Variants in SETD1B observed in about 807,000 individuals in gnomAD.
SETD1B encodes histone-lysine N-methyltransferase SETD1B.
SETD1B carries 7 observed loss-of-function variants against 148.0 expected under a neutral mutation model. That is an observed-to-expected ratio of 0.05 (90% CI 0.03 to 0.09). The LOEUF (loss-of-function observed/expected upper bound fraction) is 0.09, where lower values mean the gene tolerates loss of function less well. Ranked by LOEUF, SETD1B falls within the 10% of genes least tolerant of loss-of-function variation. The pLI is 1.00. For missense variants in SETD1B, 2,155 were observed against 2,729.9 expected (o/e 0.79, Z 4.69); for synonymous variants, 1,361 against 1,186.5 (o/e 1.15, Z -3.02).
chr12:121,814,304 C>A lies in SETD1B; in HGVS notation c.2089C>A (p.Pro697Thr). The change falls in exon 7 of 17, where the codon CCC becomes ACC. Residue 697 changes from proline to threonine, a missense_variant. By Grantham distance (38) the Pro-to-Thr change is conservative. Transcript: ENST00000604567. ...CCCGCTGCCCCCCCCACCACCACCA[C>A]CCCCACCGCAGCCTGGCTTCCCCAT... Reference protein sequence around the residue: ...FPPLPPPPPPPPPQPGFPMPP... With the variant: ...FPPLPPPPPPTPPQPGFPMPP... 2 of 1,219,450 alleles carry A rather than the reference C, an allele frequency of 1.6e-6. No homozygotes were observed. The highest frequency in any genetic ancestry group is 1.1e-6 in the Non-Finnish European group (1 of 896,740). 75.5% of individuals were successfully genotyped at this position (1,219,450 alleles called of 1,614,324 possible). A position where few individuals can be genotyped will look rare whatever the true frequency, so the allele number is the denominator to read the frequency against.
rs1465299632 is a variant in SETD1B, at chr12:121,810,419, C to T, written c.1474C>T (p.Pro492Ser). 4 of 1,549,150 alleles carry T rather than the reference C, an allele frequency of 2.6e-6. No individual in the cohort carries two copies. The highest frequency in any genetic ancestry group is 8.7e-7 in the Non-Finnish European group (1 of 1,146,966). The change falls in exon 6 of 17, where the codon CCA becomes TCA. Residue 492 changes from proline to serine, a missense_variant. Physicochemically the swap from Pro to Ser is moderately conservative, Grantham distance 74. Around this residue, in one of 11 missense-constraint regions of SETD1B, gnomAD observed 376 missense variants for 385.0 expected, o/e 0.98. Coordinates refer to ENST00000604567, the MANE Select transcript of SETD1B (RefSeq NM_001353345.2). The surrounding 1 kb of genome is among the most constrained non-coding windows in gnomAD (Gnocchi z 7.6). The stretch of plus-strand genomic sequence containing the variant: ...CACGCTGGAGTCGTCCCCTGCAGGG[C>T]CAGAGAAACCCCACGACAGCCTGGA... Reference protein sequence around the residue: ...TPTLESSPAGPEKPHDSLDSR... With the variant: ...TPTLESSPAGSEKPHDSLDSR...
chr12:121,792,103 G>A, the SETD1B span, among the ~76,000 whole-genome samples: 34 of 132,286 alleles, frequency 2.6e-4, no homozygotes, highest in African/African-American at 1.0e-3. Context: ...CGGAATGGAG[G>A]GGGGCTCTGA....
chr12:121,795,243 G>C, the SETD1B span: 20 of 152,318 alleles, frequency 1.3e-4, no homozygotes, highest in African/African-American at 3.9e-4. Context: ...GCACCCCCTA[G>C]ACAAATGCAC....
chr12:121,829,952 G>T, intron 16 of SETD1B, 114 bp from the exon 17 acceptor site: 1 of 932,232 alleles, frequency 1.1e-6, no homozygotes, highest in Non-Finnish European at 1.6e-6. Context: ...AGTGGGCTGG[G>T]GGTCACGTGG....
upstream of SETD1B, chr12:121,800,405 G>C (rs1875279018): frequency 2.0e-5 from 3 of 152,180 alleles, no homozygotes; most frequent in South Asian, 6.2e-4. Context: ...AGGGCGACTG[G>C]GAGGTCGGAC....
chr12:121,814,396 A>G lies in SETD1B; in HGVS notation c.2181A>G (p.Pro727=), dbSNP rs1592980757. 1 of 1,105,198 alleles carries G rather than the reference A, an allele frequency of 9.0e-7. No individual in the cohort carries two copies. Among genetic ancestry groups the G allele is most frequent in the Non-Finnish European group, 1.2e-6 (1 of 843,136 alleles). The allele number at this position is 1,105,198 out of a possible 1,614,324, so 68.5% of individuals were successfully genotyped here. ...PPAHPAVTVP[P]PPLPAPPGVP... ...CCCACCCTGCTGTGACAGTGCCCCC[A>G]CCACCCTTGCCAGCGCCGCCTGGAG... The change falls in exon 7 of 17, where the codon CCA becomes CCG. Residue 727 remains proline (P), a synonymous_variant. Coordinates refer to ENST00000604567, the MANE Select transcript of SETD1B (RefSeq NM_001353345.2).
At chr12:121,827,301 A>G (rs900177044) in intron 13 of SETD1B, among the ~76,000 whole-genome samples, 3 of 152,142 alleles carry the variant, frequency 2.0e-5, no homozygotes, top group African/African-American at 7.2e-5. Context: ...GCCAGGCAAG[A>G]GTGAGTCTCG....
the SETD1B span, among the ~76,000 whole-genome samples, chr12:121,792,722 G>A: frequency 3.3e-5 from 5 of 152,202 alleles, no homozygotes; most frequent in African/African-American, 9.7e-5. Context: ...ATCTGCAGCC[G>A]GGAGCATCCC....
intron 10 of SETD1B, among the ~76,000 whole-genome samples, chr12:121,818,889 CAA>C (rs61120230): frequency 3.4e-4 from 22 of 65,212 alleles, no homozygotes; most frequent in Middle Eastern, 0.013. Context: ...GACTCCGTCT[CAA>C]AAAAAAAAAA....
chr12:121,809,638 C>G lies in SETD1B; in HGVS notation c.693C>G (p.Gly231=). The G allele has an allele frequency of 6.4e-7, 1 of 1,551,194 alleles. No homozygotes were observed. The highest frequency in any genetic ancestry group is 8.7e-7 in the Non-Finnish European group (1 of 1,146,756). ...SDALKRLKDG[G]LSAGCGSGSS... ...CCCTGAAGCGCCTCAAGGATGGAGG[C>G]CTGTCTGCAGGCTGTGGCTCCGGCT... is the stretch of plus-strand genomic sequence containing the variant. Residue 231 remains glycine (G), a synonymous_variant, in exon 6 of 17, where the codon GGC becomes GGG. Transcript: ENST00000604567.
rs1001075558 is a variant in SETD1B, at chr12:121,814,502, G to A, written c.2287G>A (p.Val763Met). 1.2e-5 allele frequency: 17 copies of A among 1,460,038 alleles called. No homozygotes were observed. The highest frequency in any genetic ancestry group is 1.5e-5 in the Non-Finnish European group (16 of 1,100,564). 90.4% of individuals were successfully genotyped at this position (1,460,038 alleles called of 1,614,324 possible). ...TGTGATGCAGGTGGACATGAGCCAC[G>A]TGCTGGGTGGCCAGTGGGGCGGCAT... ...FPVMQVDMSHVLGGQWGGMPM... is the reference protein window; with the variant it reads ...FPVMQVDMSHMLGGQWGGMPM... Residue 763 changes from valine to methionine, a missense_variant, in exon 7 of 17, where the codon GTG becomes ATG. By Grantham distance (21) the Val-to-Met change is conservative. Around this residue, in one of 11 missense-constraint regions of SETD1B, gnomAD observed 289 missense variants for 423.7 expected, o/e 0.68. Coordinates refer to ENST00000604567, the MANE Select transcript of SETD1B (RefSeq NM_001353345.2).
At chr12:121,827,041 G>C (rs1304833067) in intron 13 of SETD1B, among the ~76,000 whole-genome samples, 1 of 152,148 alleles carries the variant, frequency 6.6e-6, no homozygotes, top group African/African-American at 2.4e-5. Flanking sequence ...GGCATCGCCA[G>C]GAGAGAAGTG....
chr12:121,826,050 G>A (rs891253028), intron 13 of SETD1B, among the ~76,000 whole-genome samples: 1 of 151,814 alleles, frequency 6.6e-6, no homozygotes, highest in Non-Finnish European at 1.5e-5. Flanking sequence ...CCTATTCCTC[G>A]TGGAATTTAA....
At position 121,805,689 on chromosome 12, in the gene SETD1B, A is replaced by T. The variant is rs868144448; in HGVS notation, c.274-146A>T. On this transcript the variant is annotated intron_variant, in intron 3 of 16. Transcript: ENST00000604567. This position sits in a 1 kb window ranked among gnomAD's most constrained non-coding sequence, Gnocchi z 4.2. ...CGTGCATTTTTTTTTTCCAAAAAAA[A>T]TTTTTTTTTTTTTTTTAATTTTTAG... 2.2e-3 allele frequency: 1,189 copies of T among 546,688 alleles called. 1 individual carries two copies. Among genetic ancestry groups the T allele is most frequent in the Middle Eastern group, 8.4e-3 (15 of 1,778 alleles). 33.9% of individuals were successfully genotyped at this position (546,688 alleles called of 1,614,324 possible).
chr12:121,810,747 C>T lies in SETD1B; in HGVS notation c.1802C>T (p.Pro601Leu), dbSNP rs905132009. 23 of 1,550,772 alleles carry T rather than the reference C, an allele frequency of 1.5e-5. 1 individual carries two copies. Among genetic ancestry groups the T allele is most frequent in the East Asian group, 4.9e-5 (2 of 40,890 alleles). The change falls in exon 6 of 17, where the codon CCG becomes CTG. Residue 601 changes from proline (P) to leucine (L), a missense_variant. Physicochemically the swap from Pro to Leu is moderately conservative, Grantham distance 98 (BLOSUM62 -3). Coordinates refer to ENST00000604567, the MANE Select transcript of SETD1B (RefSeq NM_001353345.2). This position sits in a 1 kb window ranked among gnomAD's most constrained non-coding sequence, Gnocchi z 7.6. ...GPRPPPEPGP[P>L]DPAGLLSQTA... ...CGGCCTCCACCTGAGCCAGGCCCCCCGGACCCTGCTGGGCTTCTGAGCCAG... is the reference window on the plus strand; with the variant it reads ...CGGCCTCCACCTGAGCCAGGCCCCCTGGACCCTGCTGGGCTTCTGAGCCAG...
chr12:121,790,192 C>T, the SETD1B span, among the ~76,000 whole-genome samples: 3 of 152,246 alleles, frequency 2.0e-5, no homozygotes, highest in Non-Finnish European at 4.4e-5. Flanking sequence ...GGGCAGCGTC[C>T]GGCCCCTGCC....
chr12:121,830,336 A>G lies in SETD1B; in HGVS notation c.*97A>G. 1 of 1,223,724 alleles carries G rather than the reference A, an allele frequency of 8.2e-7. No individual in the cohort carries two copies. The highest frequency in any genetic ancestry group is 1.5e-5 in the South Asian group (1 of 67,544). 75.8% of individuals were successfully genotyped at this position (1,223,724 alleles called of 1,614,324 possible). A position where few individuals can be genotyped will look rare whatever the true frequency, so the allele number is the denominator to read the frequency against. On this transcript the variant is annotated 3_prime_UTR_variant, in exon 17 of 17. Transcript: ENST00000604567. This position sits in a 1 kb window ranked among gnomAD's most constrained non-coding sequence, Gnocchi z 5.7. ...GGCCCGGCCCCCCGCGCCCGCCCCC[A>G]TTTCAGGTGCTGTCCTCTACCCAGC...
chr12:121,807,617 C>T (rs2137547235), intron 4 of SETD1B, among the ~76,000 whole-genome samples: 1 of 152,094 alleles, frequency 6.6e-6, no homozygotes, highest in African/African-American at 2.4e-5. Context: ...ATCGATAACC[C>T]CTGGGCCCTG....
chr12:121,804,707 A>T lies in SETD1B; in HGVS notation c.-14-17A>T. 6.5e-7 allele frequency: 1 copy of T among 1,545,154 alleles called. No individual in the cohort carries two copies. Among genetic ancestry groups the T allele is most frequent in the Non-Finnish European group, 8.7e-7 (1 of 1,145,504 alleles). On this transcript the variant is annotated splice_polypyrimidine_tract_variant and intron_variant, in intron 1 of 16. Coordinates refer to ENST00000604567, the MANE Select transcript of SETD1B (RefSeq NM_001353345.2). This position sits in a 1 kb window ranked among gnomAD's most constrained non-coding sequence, Gnocchi z 4.6. ...CCGCCGCCGCGGCGGAGACGACAAC[A>T]ACTTGCTGGTTTTCAGGTTGGGTTA...
Sources: gnomAD v4.1 joint callset for allele counts (sites outside exome capture counted in the v4.1 genomes callset) on GRCh38, gnomAD v4.1.1 for gene constraint, gnomAD v4.1.1 regional missense constraint, Gnocchi (gnomAD v3.1) non-coding constraint, MANE v1.5 for transcripts, NCBI Gene and HGNC (gene_info 2026-07-23, HGNC 2026-07-21) for gene names.